The following MAFK variants were observed in gnomAD, a reference collection of about 807,000 sequenced individuals.
MAFK encodes transcription factor MafK.
A neutral mutation model predicts 9.2 loss-of-function variants in MAFK; 1 was observed. The ratio of observed to expected loss-of-function variants is 0.11; its 90% confidence interval spans 0.04 to 0.52. MAFK has a LOEUF of 0.52. MAFK is among the 20% of genes least tolerant of loss of function. The pLI is 0.94. For missense variants in MAFK, 207 were observed against 236.0 expected (o/e 0.88, Z 0.81); for synonymous variants, 110 against 107.4 (o/e 1.02, Z -0.15).
At position 1,534,568 on chromosome 7, in the gene MAFK, C is replaced by T. The variant is rs1175134555; in HGVS notation, c.-45+3670C>T. ...CTCCCGTCCTCCGTTCCTGGTCTTC[C>T]TCCTGCCCCTCCTCCCTCTCCCGCA... On this transcript the variant is annotated intron_variant, in intron 1 of 2. Coordinates refer to ENST00000343242, the MANE Select transcript of MAFK (RefSeq NM_002360.4). The surrounding 1 kb of genome is among the most constrained non-coding windows in gnomAD (Gnocchi z 4.3). The T allele has an allele frequency of 8.8e-6, 4 of 456,434 alleles. No individual in the cohort carries two copies. Among genetic ancestry groups the T allele is most frequent in the South Asian group, 3.1e-5 (2 of 64,580 alleles). 28.3% of individuals were successfully genotyped at this position (456,434 alleles called of 1,614,324 possible). A position where few individuals can be genotyped will look rare whatever the true frequency, so the allele number is the denominator to read the frequency against.
Position 1,540,453 on chromosome 7 carries a change from G to T in MAFK, c.*78G>T. The T allele has an allele frequency of 1.5e-6, 2 of 1,301,418 alleles. No homozygotes were observed. Among genetic ancestry groups the T allele is most frequent in the Middle Eastern group, 2.7e-4 (1 of 3,638 alleles). The allele number at this position is 1,301,418 out of a possible 1,614,324, so 80.6% of individuals were successfully genotyped here. A position where few individuals can be genotyped will look rare whatever the true frequency, so the allele number is the denominator to read the frequency against. ...GGGCACACCCCTCGTACCTGTCACTGGGATGCAGACTCTCGACATCCGAGT... is the reference window on the plus strand; with the variant it reads ...GGGCACACCCCTCGTACCTGTCACTTGGATGCAGACTCTCGACATCCGAGT... On this transcript the variant is annotated 3_prime_UTR_variant, in exon 3 of 3. Transcript: ENST00000343242.
At chr7:1,537,092 C>T (rs970334080) in intron 1 of MAFK, among the ~76,000 whole-genome samples, 8 of 152,260 alleles carry the variant, frequency 5.3e-5, no homozygotes, top group African/African-American at 1.4e-4. Context: ...GGGGCGCCCC[C>T]GGCTACCGTG....
At position 1,539,942 on chromosome 7, in the gene MAFK, T is replaced by G; in HGVS notation, c.38T>G (p.Val13Gly). 1 of 1,523,580 alleles carries G rather than the reference T, an allele frequency of 6.6e-7. No individual in the cohort carries two copies. The highest frequency in any genetic ancestry group is 1.2e-5 in the South Asian group (1 of 81,090). The allele number at this position is 1,523,580 out of a possible 1,614,324, so 94.4% of individuals were successfully genotyped here. A position where few individuals can be genotyped will look rare whatever the true frequency, so the allele number is the denominator to read the frequency against. The change falls in exon 3 of 3, where the codon GTC (valine) becomes GGC (glycine). Residue 13 changes from valine (V) to glycine (G), a missense_variant and splice_region_variant. Physicochemically the swap from Val to Gly is moderately radical, Grantham distance 109. Transcript: ENST00000343242. Reference sequence around the variant, plus strand: ...TGACCCCGCACTGTGGCCCCCCAGGTCAAGAAGGAGGCGGGCGAGAACGCC... The same window carrying G: ...TGACCCCGCACTGTGGCCCCCCAGGGCAAGAAGGAGGCGGGCGAGAACGCC... Reference protein sequence around the residue: ...TNPKPNKALKVKKEAGENAPV... With the variant: ...TNPKPNKALKGKKEAGENAPV...
At chr7:1,535,298 G>T (rs1045646264) in intron 1 of MAFK, among the ~76,000 whole-genome samples, 6 of 152,156 alleles carry the variant, frequency 3.9e-5, no homozygotes, top group Non-Finnish European at 7.4e-5. Context: ...TGCCAAGGCT[G>T]CCAGCCCCCC....
chr7:1,533,469 A>G (rs1424217159), intron 1 of MAFK, among the ~76,000 whole-genome samples: 2 of 152,186 alleles, frequency 1.3e-5, no homozygotes, highest in South Asian at 2.1e-4. Flanking sequence ...TGTTTCTGGA[A>G]GAAGCAGGGC....
At chr7:1,535,887 C>T (rs980814688) in intron 1 of MAFK, among the ~76,000 whole-genome samples, 19 of 152,216 alleles carry the variant, frequency 1.2e-4, no homozygotes, top group Admixed American at 2.6e-4. Context: ...GGGCGCCCGG[C>T]GTCCTGGCTC....
chr7:1,540,275 G>C lies in MAFK; in HGVS notation c.371G>C (p.Gly124Ala). ...LQTFARTVAR[G>A]PVAPSKVATT... ...ACCTTCGCGCGCACCGTGGCCCGGG[G>C]ACCTGTGGCGCCCTCCAAGGTGGCC... is the stretch of plus-strand genomic sequence containing the variant. Residue 124 changes from glycine (G) to alanine (A), a missense_variant, in exon 3 of 3, where the codon GGA (glycine) becomes GCA (alanine). Transcript: ENST00000343242. 6.2e-7 allele frequency: 1 copy of C among 1,611,500 alleles called. No individual in the cohort carries two copies. Among genetic ancestry groups the C allele is most frequent in the South Asian group, 1.1e-5 (1 of 90,848 alleles).
chr7:1,534,259 G>A lies in MAFK; in HGVS notation c.-45+3361G>A, dbSNP rs1562543591. On this transcript the variant is annotated intron_variant, in intron 1 of 2. Transcript: ENST00000343242. This position sits in a 1 kb window ranked among gnomAD's most constrained non-coding sequence, Gnocchi z 4.3. Reference sequence around the variant, plus strand: ...CTCATCCTCAGTAGGAAGGGTGTCTGGCTGGTCTCTGGGACCAGCTGGGCT... The same window carrying A: ...CTCATCCTCAGTAGGAAGGGTGTCTAGCTGGTCTCTGGGACCAGCTGGGCT... The A allele has an allele frequency of 8.8e-6, 4 of 455,702 alleles. No homozygotes were observed. The highest frequency in any genetic ancestry group is 1.8e-5 in the Non-Finnish European group (4 of 226,588). The allele number at this position is 455,702 out of a possible 1,614,324, so 28.2% of individuals were successfully genotyped here. A position where few individuals can be genotyped will look rare whatever the true frequency, so the allele number is the denominator to read the frequency against.
chr7:1,540,891 T>TC lies in MAFK; in HGVS notation c.*516_*517insC. 1 of 157,272 alleles carries TC rather than the reference T, an allele frequency of 6.4e-6. No homozygotes were observed. Among genetic ancestry groups the TC allele is most frequent in the Non-Finnish European group, 1.4e-5 (1 of 71,290 alleles). 9.7% of individuals were successfully genotyped at this position (157,272 alleles called of 1,614,324 possible). A position where few individuals can be genotyped will look rare whatever the true frequency, so the allele number is the denominator to read the frequency against. ...TCCCCGGGGAGGAGCATGGATGGTG[T>TC]GTCGGCAGCTCCGTCCTTCCAGCTG... On this transcript the variant is annotated 3_prime_UTR_variant, in exon 3 of 3. Transcript: ENST00000343242.
intron 1 of MAFK, among the ~76,000 whole-genome samples, chr7:1,533,151 C>T (rs931838241): frequency 6.6e-6 from 1 of 152,188 alleles, no homozygotes; most frequent in Non-Finnish European, 1.5e-5. Context: ...ATGAGGAAGC[C>T]CAGGCCATGA....
intron 1 of MAFK, chr7:1,538,948 G>C: frequency 1.7e-5 from 9 of 541,548 alleles, no homozygotes; most frequent in Non-Finnish European, 2.9e-5. Context: ...CTCAGGCAGG[G>C]ACAGAGGCCG....
chr7:1,540,480 C>T lies in MAFK; in HGVS notation c.*105C>T. Reference sequence around the variant, plus strand: ...GATGCAGACTCTCGACATCCGAGTCCAAGCGCAGGCCCCTCGGGCGCAGGC... The same window carrying T: ...GATGCAGACTCTCGACATCCGAGTCTAAGCGCAGGCCCCTCGGGCGCAGGC... On this transcript the variant is annotated 3_prime_UTR_variant, in exon 3 of 3. Transcript: ENST00000343242. 1 of 1,146,420 alleles carries T rather than the reference C, an allele frequency of 8.7e-7. No homozygotes were observed. Among genetic ancestry groups the T allele is most frequent in the Non-Finnish European group, 1.2e-6 (1 of 830,096 alleles). The allele number at this position is 1,146,420 out of a possible 1,614,324, so 71.0% of individuals were successfully genotyped here.
Position 1,539,147 on chromosome 7 carries a change from A to C in MAFK, c.-44-2A>C. The stretch of plus-strand genomic sequence containing the variant: ...GCTTCTCTGCTTGTCCATGTTTTCC[A>C]GCTACGAGTTCCAGGGAGCTCTGTC... On this transcript the variant is annotated splice_acceptor_variant, in intron 1 of 2. Coordinates refer to ENST00000343242, the MANE Select transcript of MAFK (RefSeq NM_002360.4). LOFTEE classifies it low-confidence loss of function (5UTR_SPLICE). The C allele has an allele frequency of 6.2e-7, 1 of 1,612,414 alleles. No homozygotes were observed. The highest frequency in any genetic ancestry group is 8.5e-7 in the Non-Finnish European group (1 of 1,179,112).
rs1362244975 is a variant in MAFK at position 1,532,274 on chromosome 7, G to A, written c.-45+1376G>A. ...TTCAGGGACATGGAGCATTAAAAGA[G>A]CCGTGGGCGGGGTCTGGAGAACATA... On this transcript the variant is annotated intron_variant, in intron 1 of 2. Coordinates refer to ENST00000343242, the MANE Select transcript of MAFK (RefSeq NM_002360.4). This position sits in a 1 kb window ranked among gnomAD's most constrained non-coding sequence, Gnocchi z 4.5. 6.6e-6 allele frequency among the ~76,000 whole-genome samples: 1 copy of A among 152,208 alleles called. No homozygotes were observed. The highest frequency in any genetic ancestry group is 1.5e-5 in the Non-Finnish European group (1 of 68,038).
rs1367965872 is a variant in MAFK at position 1,534,439 on chromosome 7, C to T, written c.-45+3541C>T. The T allele has an allele frequency of 4.6e-6, 2 of 434,314 alleles. No individual in the cohort carries two copies. The highest frequency in any genetic ancestry group is 4.8e-5 in the Admixed American group (2 of 41,870). The allele number at this position is 434,314 out of a possible 1,614,324, so 26.9% of individuals were successfully genotyped here. ...GAGGCGGGTACACCTTGGGTGGCCT[C>T]TGGTTTTGTGGATTGCACCTGCCGT... On this transcript the variant is annotated intron_variant, in intron 1 of 2. Transcript: ENST00000343242. The surrounding 1 kb of genome is among the most constrained non-coding windows in gnomAD (Gnocchi z 4.3).
At position 1,534,525 on chromosome 7, in the gene MAFK, C is replaced by G. The variant is rs536928469; in HGVS notation, c.-45+3627C>G. The stretch of plus-strand genomic sequence containing the variant: ...TGCTGTGCTGCTGGGTTTCTGAACC[C>G]GTGTCTCTCGCACAGAGCTCCCGTC... On this transcript the variant is annotated intron_variant, in intron 1 of 2. Transcript: ENST00000343242. The surrounding 1 kb of genome is among the most constrained non-coding windows in gnomAD (Gnocchi z 4.3). The G allele has an allele frequency of 6.2e-4, 278 of 452,004 alleles. No homozygotes were observed. The highest frequency in any genetic ancestry group is 1.0e-3 in the Non-Finnish European group (232 of 223,690). 28.0% of individuals were successfully genotyped at this position (452,004 alleles called of 1,614,324 possible).
rs779847335 is a variant in MAFK, at chr7:1,540,220, G to A, written c.316G>A (p.Ala106Thr). The change falls in exon 3 of 3, where the codon GCC becomes ACC. Residue 106 changes from alanine to threonine, a missense_variant. By Grantham distance (58) the Ala-to-Thr change is moderately conservative. Transcript: ENST00000343242. ...ENSSMRLELD[A>T]LRSKYEALQT... ...CAGCAGCATGCGGCTGGAGCTGGAC[G>A]CCCTGCGCTCCAAGTACGAGGCGCT... 11 of 1,599,720 alleles carry A rather than the reference G, an allele frequency of 6.9e-6. No homozygotes were observed. The highest frequency in any genetic ancestry group is 4.0e-5 in the African/African-American group (3 of 74,548).
At chr7:1,533,910 G>T (rs752253875) in intron 1 of MAFK, among the ~76,000 whole-genome samples, 12 of 152,180 alleles carry the variant, frequency 7.9e-5, no homozygotes, top group Non-Finnish European at 1.8e-4. Context: ...TGGAGGCCGA[G>T]GACAGGAGGA....
At position 1,534,547 on chromosome 7, in the gene MAFK, C is replaced by T. The variant is rs145176413; in HGVS notation, c.-45+3649C>T. The T allele has an allele frequency of 0.015, 6,830 of 455,922 alleles. 87 individuals are homozygous for T. Among genetic ancestry groups the T allele is most frequent in the Non-Finnish European group, 0.02 (4,526 of 226,640 alleles). 28.2% of individuals were successfully genotyped at this position (455,922 alleles called of 1,614,324 possible). On this transcript the variant is annotated intron_variant, in intron 1 of 2. Coordinates refer to ENST00000343242, the MANE Select transcript of MAFK (RefSeq NM_002360.4). This position sits in a 1 kb window ranked among gnomAD's most constrained non-coding sequence, Gnocchi z 4.3. ...ACCCGTGTCTCTCGCACAGAGCTCC[C>T]GTCCTCCGTTCCTGGTCTTCCTCCT... is the stretch of plus-strand genomic sequence containing the variant.
Sources: allele counts gnomAD v4.1 joint callset (sites outside exome capture counted in the v4.1 genomes callset), GRCh38; gene constraint gnomAD v4.1.1; non-coding constraint Gnocchi (gnomAD v3.1); transcripts MANE v1.5; gene names NCBI Gene and HGNC (gene_info 2026-07-23, HGNC 2026-07-21).